The following RGS7 variants were observed in gnomAD, a reference collection of about 807,000 sequenced individuals.
RGS7 encodes regulator of G-protein signaling 7.
Under a neutral mutation model 81.1 loss-of-function variants are expected in RGS7, and 27 were observed. That is an observed-to-expected ratio of 0.33 (90% CI 0.25 to 0.46). The LOEUF (loss-of-function observed/expected upper bound fraction) is 0.46. RGS7 is among the 20% of genes least tolerant of loss of function. The pLI, the probability that RGS7 is intolerant of heterozygous loss-of-function variation, is 1.00. For synonymous variants in RGS7, 208 were observed against 207.7 expected (o/e 1.00, Z -0.01); for missense variants, 396 against 607.4 (o/e 0.65, Z 3.66).
intron 3 of RGS7, among the ~76,000 whole-genome samples, chr1:240,991,003 T>A (rs1686375285): frequency 6.6e-6 from 1 of 152,236 alleles, no homozygotes; most frequent in Admixed American, 6.5e-5. Flanking sequence ...ATGTTGGGTT[T>A]TGTTGATATA....
intron 2 of RGS7, among the ~76,000 whole-genome samples, chr1:241,239,014 G>T (rs1246353988): frequency 7.2e-6 from 1 of 138,102 alleles, no homozygotes; most frequent in African/African-American, 2.8e-5. Flanking sequence ...TGTTGCCCAG[G>T]CTGGAGTGCC....
intron 2 of RGS7, among the ~76,000 whole-genome samples, chr1:241,173,931 C>A (rs2070917872): frequency 1.3e-5 from 2 of 152,208 alleles, no homozygotes; most frequent in Non-Finnish European, 2.9e-5. Flanking sequence ...AGCTACCACA[C>A]CTACCCATAC....
intron 3 of RGS7, among the ~76,000 whole-genome samples, chr1:241,067,972 G>A (rs904138456): frequency 2.0e-5 from 3 of 151,786 alleles, no homozygotes; most frequent in Admixed American, 2.0e-4. Context: ...TAGACAGAGA[G>A]TATGTGATGG....
chr1:241,221,072 AAAGGAAGG>A (rs1330807084), intron 2 of RGS7, among the ~76,000 whole-genome samples: 1 of 137,508 alleles, frequency 7.3e-6, no homozygotes. Flanking sequence ...AGAGAGAGAG[AAAGGAAGG>A]AAGGAAGGAA....
chr1:241,120,158 T>G (rs144464427), intron 2 of RGS7, among the ~76,000 whole-genome samples: 1 of 152,306 alleles, frequency 6.6e-6, no homozygotes, highest in East Asian at 1.9e-4. Flanking sequence ...CACTGGAGTT[T>G]TTAATCATTT....
chr1:241,253,221 G>A (rs1171062269), intron 2 of RGS7, among the ~76,000 whole-genome samples: 1 of 152,150 alleles, frequency 6.6e-6, no homozygotes, highest in African/African-American at 2.4e-5. Flanking sequence ...CATGTAGCAT[G>A]CTATTAGTAG....
At chr1:241,165,385 T>G (rs1202279167) in intron 2 of RGS7, among the ~76,000 whole-genome samples, 1 of 151,808 alleles carries the variant, frequency 6.6e-6, no homozygotes, top group Admixed American at 6.6e-5. Flanking sequence ...CCAACCCAAA[T>G]GTCCAACAAT....
intron 3 of RGS7, among the ~76,000 whole-genome samples, chr1:240,983,786 T>C (rs1685272777): frequency 6.6e-6 from 1 of 152,208 alleles, no homozygotes; most frequent in African/African-American, 2.4e-5. Context: ...GCCCCAGCTG[T>C]TTATTTGATG....
At position 241,295,638 on chromosome 1, in the gene RGS7, C is replaced by T. The variant is rs573523037; in HGVS notation, c.78+60061G>A. Among the ~76,000 whole-genome samples the T allele has an allele frequency of 3.3e-5, 5 of 152,232 alleles. No individual in the cohort carries two copies. In the East Asian group the frequency reaches 7.7e-4, roughly 24 times the overall value. ...GAGAGCAAAGAAAGGGCCTTGAATGCCATGTTTAGGGGCAGAGATTTTCTT... is the reference window on the plus strand; with the variant it reads ...GAGAGCAAAGAAAGGGCCTTGAATGTCATGTTTAGGGGCAGAGATTTTCTT... On this transcript the variant is annotated intron_variant, in intron 2 of 18. Transcript: ENST00000440928.
chr1:241,207,496 A>G (rs1017320593), intron 2 of RGS7, among the ~76,000 whole-genome samples: 2 of 152,024 alleles, frequency 1.3e-5, no homozygotes, highest in African/African-American at 4.8e-5. Flanking sequence ...TGAGACAGAC[A>G]AGACTACTGT....
At chr1:241,168,951 G>A (rs556775241) in intron 2 of RGS7, among the ~76,000 whole-genome samples, 3 of 152,142 alleles carry the variant, frequency 2.0e-5, no homozygotes, top group Non-Finnish European at 4.4e-5. Context: ...GAAGTGGATC[G>A]TTCCTCTCAG....
intron 18 of RGS7, among the ~76,000 whole-genome samples, chr1:240,785,177 A>G (rs1376581010): frequency 6.6e-6 from 1 of 152,164 alleles, no homozygotes; most frequent in Non-Finnish European, 1.5e-5. Context: ...CTTTGCCTGG[A>G]TTTCCAAATC....
intron 3 of RGS7, among the ~76,000 whole-genome samples, chr1:241,057,628 T>G (rs1572482366): frequency 6.6e-6 from 1 of 152,082 alleles, no homozygotes; most frequent in South Asian, 2.1e-4. Context: ...AGAGTTAAAT[T>G]TATAGCTGGG....
intron 2 of RGS7, among the ~76,000 whole-genome samples, chr1:241,242,861 T>C (rs564772753): frequency 2.0e-5 from 3 of 152,220 alleles, no homozygotes; most frequent in Non-Finnish European, 4.4e-5. Flanking sequence ...TTGGAGTTCC[T>C]TGTACATTCT....
intron 2 of RGS7, among the ~76,000 whole-genome samples, chr1:241,127,126 C>T (rs911617545): frequency 6.6e-6 from 1 of 152,114 alleles, no homozygotes; most frequent in African/African-American, 2.4e-5. Flanking sequence ...CCAGAAGAAG[C>T]AACATCTAAT....
At chr1:241,182,355 G>T (rs1433558567) in intron 2 of RGS7, among the ~76,000 whole-genome samples, 1 of 152,130 alleles carries the variant, frequency 6.6e-6, no homozygotes, top group African/African-American at 2.4e-5. Context: ...ACTCACTTTT[G>T]CTCTAAAAAT....
At chr1:240,819,907 C>T (rs1397675715) in intron 10 of RGS7, among the ~76,000 whole-genome samples, 1 of 152,198 alleles carries the variant, frequency 6.6e-6, no homozygotes, top group Non-Finnish European at 1.5e-5. Context: ...GTCTCCCTTT[C>T]ACCAATCTGA....
chr1:241,035,668 C>A (rs1296008869), intron 3 of RGS7, among the ~76,000 whole-genome samples: 6 of 152,228 alleles, frequency 3.9e-5, no homozygotes, highest in Non-Finnish European at 7.4e-5. Flanking sequence ...TCATTACTAC[C>A]ACCACTTCCA....
chr1:241,022,931 T>C (rs1343961090), intron 3 of RGS7, among the ~76,000 whole-genome samples: 1 of 152,118 alleles, frequency 6.6e-6, no homozygotes, highest in Non-Finnish European at 1.5e-5. Context: ...CTCCCTACCA[T>C]GGAGATACCA....
Sources: allele counts gnomAD v4.1 joint callset (sites outside exome capture counted in the v4.1 genomes callset), GRCh38; gene constraint gnomAD v4.1.1; transcripts MANE v1.5; gene names NCBI Gene and HGNC (gene_info 2026-07-23, HGNC 2026-07-21).